PVT1: variants seen among roughly 807,000 people sequenced by gnomAD.
PVT1 encodes the protein Pvt1 oncogene.
intron 2 of PVT1, among the ~76,000 whole-genome samples, chr8:127,829,104 T>C (rs749566827): frequency 2.6e-5 from 4 of 152,054 alleles, no homozygotes; most frequent in Non-Finnish European, 4.4e-5. Flanking sequence ...AGTGAAATGC[T>C]GTTTCTACTA....
At chr8:128,018,282 AGGT>A (rs1306254404) in intron 4 of PVT1, among the ~76,000 whole-genome samples, 2 of 152,258 alleles carry the variant, frequency 1.3e-5, no homozygotes, top group Non-Finnish European at 2.9e-5. Flanking sequence ...AGTCACCCAC[AGGT>A]CAGCAGTCAT....
chr8:127,865,685 C>T (rs1026999248), intron 2 of PVT1, among the ~76,000 whole-genome samples: 2 of 152,172 alleles, frequency 1.3e-5, no homozygotes, highest in Non-Finnish European at 2.9e-5. Context: ...TCAGTGAGAC[C>T]CACTTTGAAC....
intron 4 of PVT1, among the ~76,000 whole-genome samples, chr8:128,014,090 T>G (rs1003163989): frequency 6.6e-6 from 1 of 152,198 alleles, no homozygotes; most frequent in Non-Finnish European, 1.5e-5. Flanking sequence ...TAAACATGTA[T>G]GGGCCTGAGA....
chr8:128,001,401 A>C (rs1039977667), intron 4 of PVT1, among the ~76,000 whole-genome samples: 3 of 148,436 alleles, frequency 2.0e-5, no homozygotes, highest in Non-Finnish European at 4.5e-5. Context: ...CTGAGGGGGG[A>C]AGTGAGGCTA....
intron 2 of PVT1, among the ~76,000 whole-genome samples, chr8:127,816,438 A>G (rs374133003): frequency 1.3e-5 from 2 of 150,478 alleles, no homozygotes. Context: ...GTGAGCCGCT[A>G]TGCCAGGCCA....
At chr8:127,879,046 A>G (rs1385305952) in intron 2 of PVT1, among the ~76,000 whole-genome samples, 4 of 152,226 alleles carry the variant, frequency 2.6e-5, no homozygotes, top group South Asian at 4.1e-4. Flanking sequence ...CGTGAGCCCT[A>G]TTGGGGCTGT....
chr8:128,041,789 C>T (rs1392207201), intron 4 of PVT1, among the ~76,000 whole-genome samples: 1 of 152,122 alleles, frequency 6.6e-6, no homozygotes, highest in African/African-American at 2.4e-5. Flanking sequence ...TAGATGCAGC[C>T]TCTCCTTAAA....
chr8:127,984,992 TCTTTCC>T (rs1563657739), intron 3 of PVT1, among the ~76,000 whole-genome samples: 5 of 92,910 alleles, frequency 5.4e-5, no homozygotes, highest in African/African-American at 3.0e-4. Context: ...TCTTTCTTTC[TCTTTCC>T]TTCCTTCCTT....
At chr8:127,877,034 T>C (rs1815413021) in intron 2 of PVT1, among the ~76,000 whole-genome samples, 2 of 152,032 alleles carry the variant, frequency 1.3e-5, no homozygotes, top group South Asian at 4.2e-4. Flanking sequence ...GGAACAAAGG[T>C]GGTGCTTATG....
intron 2 of PVT1, among the ~76,000 whole-genome samples, chr8:127,806,901 A>C (rs937846609): frequency 2.0e-5 from 3 of 152,008 alleles, no homozygotes; most frequent in Admixed American, 2.0e-4. Flanking sequence ...GCTGACTGGG[A>C]CTCTGTTGTA....
At position 127,874,937 on chromosome 8, in the gene PVT1, G is replaced by GTGTGTGT. The variant is rs1563627450; in HGVS notation, n.373-15652_373-15651insTGTGTGT. Among the ~76,000 whole-genome samples, 119 of 145,956 alleles carry GTGTGTGT rather than the reference G, an allele frequency of 8.2e-4. 2 individuals carry two copies. Among genetic ancestry groups the GTGTGTGT allele is most frequent in the African/African-American group, 3.0e-3 (112 of 37,760 alleles). On this transcript the variant is annotated intron_variant and non_coding_transcript_variant, in intron 2 of 10. Coordinates refer to ENST00000651587, the Ensembl canonical transcript of PVT1. ...GTGTGTGTGTGTGTGTGTGTGTGTG[G>GTGTGTGT]GTGTGTGGCCCTGGGCTGCACTGTG... is the stretch of plus-strand genomic sequence containing the variant.
chr8:127,806,824 A>G (rs150692965), intron 2 of PVT1, among the ~76,000 whole-genome samples: 1 of 150,736 alleles, frequency 6.6e-6, no homozygotes, highest in African/African-American at 2.4e-5. Flanking sequence ...GTCTTCTTTC[A>G]CCTGGCATAA....
At chr8:128,063,384 C>T (rs747191044) in intron 4 of PVT1, among the ~76,000 whole-genome samples, 34 of 152,204 alleles carry the variant, frequency 2.2e-4, no homozygotes, top group African/African-American at 2.9e-4. Flanking sequence ...CGGTGGAGGA[C>T]GCCTACAGTC....
chr8:127,922,955 C>T (rs1410473612), intron 3 of PVT1, among the ~76,000 whole-genome samples: 1 of 152,246 alleles, frequency 6.6e-6, no homozygotes, highest in Admixed American at 6.5e-5. Flanking sequence ...GTGGCCATCT[C>T]CCCACCTTGC....
chr8:127,893,462 G>A (rs1332541466), intron 3 of PVT1, among the ~76,000 whole-genome samples: 1 of 152,070 alleles, frequency 6.6e-6, no homozygotes, highest in Non-Finnish European at 1.5e-5. Context: ...GGCCAGGCTG[G>A]TCTTGAACTC....
At chr8:127,843,649 G>A (rs1035448118) in intron 2 of PVT1, among the ~76,000 whole-genome samples, 1 of 151,814 alleles carries the variant, frequency 6.6e-6, no homozygotes, top group African/African-American at 2.4e-5. Flanking sequence ...GTTTCACCAT[G>A]TTAGCCAGGA....
At position 127,868,791 on chromosome 8, in the gene PVT1, A is replaced by ACACG. The variant is rs569823778; in HGVS notation, n.373-21798_373-21797insCACG. ...TTAACATATATATATATATATATAT[A>ACACG]TACATATATATGTACATATATATAT... On this transcript the variant is annotated intron_variant and non_coding_transcript_variant, in intron 2 of 10. Coordinates refer to ENST00000651587, the Ensembl canonical transcript of PVT1. Among the ~76,000 whole-genome samples, 266 of 34,754 alleles carry ACACG rather than the reference A, an allele frequency of 7.7e-3. 2 individuals carry two copies. The highest frequency in any genetic ancestry group is 0.037 in the South Asian group (43 of 1,160). The allele number at this position is 34,754 out of a possible 152,430, so 22.8% of individuals were successfully genotyped here. A position where few individuals can be genotyped will look rare whatever the true frequency, so the allele number is the denominator to read the frequency against.
At chr8:127,934,678 C>T (rs1440566137) in intron 3 of PVT1, among the ~76,000 whole-genome samples, 2 of 151,534 alleles carry the variant, frequency 1.3e-5, no homozygotes, top group African/African-American at 4.9e-5. Flanking sequence ...TACATGTTCC[C>T]TTCATAGATT....
At chr8:127,908,568 C>A (rs1815852412) in intron 3 of PVT1, among the ~76,000 whole-genome samples, 1 of 152,216 alleles carries the variant, frequency 6.6e-6, no homozygotes, top group East Asian at 1.9e-4. Context: ...TCTCAAACTC[C>A]TGACCTTGTG....
Sources: allele counts gnomAD v4.1 joint callset (sites outside exome capture counted in the v4.1 genomes callset), GRCh38; gene constraint gnomAD v4.1.1; transcripts MANE v1.5; gene names NCBI Gene and HGNC (gene_info 2026-07-23, HGNC 2026-07-21).